Variants in ICA1 observed in about 807,000 individuals in gnomAD.
ICA1 encodes the protein 69 kDa islet cell autoantigen.
In ICA1, 40 loss-of-function variants were observed where a neutral mutation model predicts 71.0. That is an observed-to-expected ratio of 0.56 (90% CI 0.44 to 0.73). The LOEUF is 0.73. Among genes scored for constraint, ICA1 ranks in the 30% least tolerant of loss-of-function variants. The pLI is 0.00. For synonymous variants in ICA1, 207 were observed against 209.5 expected (o/e 0.99, Z 0.10); for missense variants, 578 against 576.5 (o/e 1.00, Z -0.03).
At chr7:8,140,529 G>A (rs1300368083) in intron 10 of ICA1, among the ~76,000 whole-genome samples, 1 of 152,154 alleles carries the variant, frequency 6.6e-6, no homozygotes, top group African/African-American at 2.4e-5. Context: ...ACCAAAGCTG[G>A]AGCTGCTGGA....
intron 12 of ICA1, among the ~76,000 whole-genome samples, chr7:8,131,597 TA>T (rs1450646763): frequency 6.6e-6 from 1 of 152,184 alleles, no homozygotes; most frequent in African/African-American, 2.4e-5. Context: ...ACTACTTAGC[TA>T]AAAGCAATGA....
chr7:8,232,558 T>C (rs1358250738), intron 3 of ICA1, 32 bp downstream of exon 3: 1 of 1,571,150 alleles, frequency 6.4e-7, no homozygotes, highest in Non-Finnish European at 8.6e-7. Flanking sequence ...GCAAGGTGGC[T>C]GTGTTGGGGC....
intron 6 of ICA1, among the ~76,000 whole-genome samples, chr7:8,214,695 T>C (rs1306668792): frequency 6.6e-6 from 1 of 152,220 alleles, no homozygotes; most frequent in African/African-American, 2.4e-5. Flanking sequence ...TTGAGAGCTC[T>C]GTCGTCAGGC....
chr7:8,125,668 C>A (rs1788894906), intron 13 of ICA1, among the ~76,000 whole-genome samples: 2 of 152,222 alleles, frequency 1.3e-5, no homozygotes, highest in Admixed American at 1.3e-4. Flanking sequence ...GGCTCCAGGA[C>A]AGCAGACAGC....
At chr7:8,187,463 G>A (rs889310896) in intron 6 of ICA1, among the ~76,000 whole-genome samples, 1 of 152,180 alleles carries the variant, frequency 6.6e-6, no homozygotes, top group Non-Finnish European at 1.5e-5. Flanking sequence ...GTTGTTCTGG[G>A]TGAGTGAGAG....
chr7:8,216,447 A>T (rs74394221), intron 6 of ICA1, among the ~76,000 whole-genome samples: 20,503 of 152,060 alleles, frequency 0.13, 1,524 homozygotes, highest in Middle Eastern at 0.18. Context: ...ATTTTTTTTT[A>T]AAAAAACATG....
At chr7:8,206,383 G>A (rs1415057041) in intron 6 of ICA1, among the ~76,000 whole-genome samples, 3 of 151,930 alleles carry the variant, frequency 2.0e-5, no homozygotes, top group African/African-American at 7.3e-5. Flanking sequence ...TTGGAACTTA[G>A]CTTCCCATCT....
rs1393201354 is a variant in ICA1 at position 8,123,986 on chromosome 7, C to T, written c.1330+3887G>A. ...TAATAGTAGCTGGCTGGGAAGGGTA[C>T]GGTGAGGATTAAAATTCATCCATGT... On this transcript the variant is annotated intron_variant, in intron 13 of 13. Transcript: ENST00000402384. This position sits in a 1 kb window ranked among gnomAD's most constrained non-coding sequence, Gnocchi z 4.1. Among the ~76,000 whole-genome samples the T allele has an allele frequency of 2.0e-5, 3 of 152,098 alleles. No individual in the cohort carries two copies. Among genetic ancestry groups the T allele is most frequent in the Non-Finnish European group, 4.4e-5 (3 of 68,042 alleles).
intron 6 of ICA1, among the ~76,000 whole-genome samples, chr7:8,171,799 T>C (rs1192769351): frequency 2.0e-5 from 3 of 152,000 alleles, no homozygotes; most frequent in Non-Finnish European, 4.4e-5. Flanking sequence ...TTTTGATATG[T>C]TGTGTTCTGA....
chr7:8,142,523 C>A (rs2128128030), intron 9 of ICA1, among the ~76,000 whole-genome samples: 1 of 152,324 alleles, frequency 6.6e-6, no homozygotes, highest in South Asian at 2.1e-4. Context: ...TAATCCACTT[C>A]CAAGTAAAGG....
chr7:8,156,669 C>A, intron 8 of ICA1: 2 of 627,080 alleles, frequency 3.2e-6, no homozygotes, highest in Non-Finnish European at 4.9e-6. Flanking sequence ...TAAAATGATA[C>A]ATTTCAGAAG....
At chr7:8,174,770 A>AAAAACAAAAAACC (rs1554310838) in intron 6 of ICA1, among the ~76,000 whole-genome samples, 119 of 37,306 alleles carry the variant, frequency 3.2e-3, no homozygotes, top group African/African-American at 9.4e-3. Flanking sequence ...AAAAAAAAAA[A>AAAAACAAAAAACC]AAAAAAAAAC....
intron 6 of ICA1, among the ~76,000 whole-genome samples, chr7:8,167,785 A>C (rs1806644270): frequency 6.6e-6 from 1 of 152,170 alleles, no homozygotes. Flanking sequence ...ATTAATCATA[A>C]TGCACTGTGG....
chr7:8,163,027 G>C (rs1176671467), intron 6 of ICA1, among the ~76,000 whole-genome samples: 1 of 152,236 alleles, frequency 6.6e-6, no homozygotes, highest in African/African-American at 2.4e-5. Context: ...GCCTCCCAAA[G>C]TGCTAGGATT....
intron 13 of ICA1, among the ~76,000 whole-genome samples, chr7:8,119,098 T>C (rs1562496686): frequency 6.6e-6 from 1 of 151,916 alleles, no homozygotes; most frequent in Non-Finnish European, 1.5e-5. Context: ...ACGAGAGAGG[T>C]TCTCCTAAGA....
intron 6 of ICA1, among the ~76,000 whole-genome samples, chr7:8,190,858 G>T (rs1785351304): frequency 6.6e-6 from 1 of 152,154 alleles, no homozygotes. Context: ...GAGTGTTTAG[G>T]GAACAAGGAA....
chr7:8,232,570 GA>G lies in ICA1; in HGVS notation c.183+19del. 6.3e-7 allele frequency: 1 copy of G among 1,591,238 alleles called. No individual in the cohort carries two copies. Among genetic ancestry groups the G allele is most frequent in the Non-Finnish European group, 8.6e-7 (1 of 1,168,874 alleles). On this transcript the variant is annotated intron_variant, in intron 3 of 13. Transcript: ENST00000402384. ...CTAGCAAGGTGGCTGTGTTGGGGCTGACAGCAATAAAGAGCTCACCTCTAGC... is the reference window on the plus strand; with the variant it reads ...CTAGCAAGGTGGCTGTGTTGGGGCTGCAGCAATAAAGAGCTCACCTCTAGC...
chr7:8,221,061 A>C (rs187733288), intron 5 of ICA1, among the ~76,000 whole-genome samples: 5 of 151,992 alleles, frequency 3.3e-5, no homozygotes, highest in Non-Finnish European at 1.5e-5. Flanking sequence ...ATGAAAAAAA[A>C]TTTTTTTTAA....
intron 6 of ICA1, among the ~76,000 whole-genome samples, chr7:8,179,432 G>C (rs1240727119): frequency 6.6e-6 from 1 of 152,186 alleles, no homozygotes; most frequent in Non-Finnish European, 1.5e-5. Flanking sequence ...TTACTAGTTT[G>C]ACCATCAACA....
Sources: allele counts gnomAD v4.1 joint callset (sites outside exome capture counted in the v4.1 genomes callset), GRCh38; gene constraint gnomAD v4.1.1; non-coding constraint Gnocchi (gnomAD v3.1); transcripts MANE v1.5; gene names NCBI Gene and HGNC (gene_info 2026-07-23, HGNC 2026-07-21).